The following DOCK8 variants were observed in gnomAD, a reference collection of about 807,000 sequenced individuals.
DOCK8 encodes dedicator of cytokinesis 8.
DOCK8 carries 141 observed loss-of-function variants against 245.6 expected under a neutral mutation model. The ratio of observed to expected loss-of-function variants is 0.57; its 90% CI spans 0.50 to 0.66. The LOEUF is 0.66. DOCK8 is among the 30% of genes least tolerant of loss of function. The pLI is 0.00. For synonymous variants in DOCK8, 1,168 were observed against 970.2 expected, an observed-to-expected ratio of 1.20 and a Z score of -3.79; for missense variants, 2,965 against 2,603.4, an observed-to-expected ratio of 1.14 and a Z score of -3.02.
At chr9:230,380 T>A (rs1165457467) in intron 1 of DOCK8, among the ~76,000 whole-genome samples, 1 of 152,166 alleles carries the variant, frequency 6.6e-6, no homozygotes, top group Non-Finnish European at 1.5e-5. Flanking sequence ...TGTGTCTTTA[T>A]AGCAGCATGA....
intron 2 of DOCK8, among the ~76,000 whole-genome samples, chr9:285,928 AC>A (rs1298869552): frequency 2.0e-5 from 3 of 152,158 alleles, no homozygotes; most frequent in Non-Finnish European, 2.9e-5. Context: ...AGCCACCGAA[AC>A]ACTCGGTGTT....
chr9:261,153 C>G (rs1396398808), intron 1 of DOCK8, among the ~76,000 whole-genome samples: 1 of 151,050 alleles, frequency 6.6e-6, no homozygotes, highest in East Asian at 1.9e-4. Flanking sequence ...ACCTGGCAGA[C>G]AGGAGTAGGA....
At position 409,424 on chromosome 9, in the gene DOCK8, G is replaced by A. The variant is rs150937777; in HGVS notation, c.3530+2355G>A. ...TAAGAACAAGAAAAACTTTTGAAAT[G>A]CAATTTACAATTATCTTACTTTAGC... On this transcript the variant is annotated intron_variant, in intron 28 of 47. Transcript: ENST00000432829. Among the ~76,000 whole-genome samples the A allele has an allele frequency of 4.2e-4, 64 of 152,158 alleles. 1 individual carries two copies. In the East Asian group the frequency reaches 9.1e-3, roughly 22 times the overall value.
chr9:324,287 C>A (rs1450823224), intron 7 of DOCK8, among the ~76,000 whole-genome samples: 1 of 152,188 alleles, frequency 6.6e-6, no homozygotes, highest in East Asian at 1.9e-4. Context: ...TCTTTTGAGA[C>A]AAAGCTATCC....
At chr9:289,436 C>T in intron 3 of DOCK8, 74 bp from the exon 4 acceptor site, 2 of 1,186,946 alleles carry the variant, frequency 1.7e-6, no homozygotes, top group Non-Finnish European at 2.5e-6. Context: ...TGTCATGTTC[C>T]TTGCTCATGA....
intron 31 of DOCK8, 135 bp downstream of exon 31, chr9:420,718 A>G (rs918535467): frequency 2.4e-6 from 3 of 1,261,018 alleles, no homozygotes; most frequent in East Asian, 2.3e-5. Context: ...TCCATAACCC[A>G]TTTGTAGGTA....
intron 2 of DOCK8, among the ~76,000 whole-genome samples, chr9:275,829 T>G (rs543114365): frequency 1.3e-5 from 2 of 151,526 alleles, no homozygotes; most frequent in East Asian, 3.9e-4. Context: ...CCTCAAGTGA[T>G]CCACCCACCT....
At chr9:410,006 A>T (rs964408166) in intron 28 of DOCK8, among the ~76,000 whole-genome samples, 15 of 152,220 alleles carry the variant, frequency 9.9e-5, no homozygotes, top group Non-Finnish European at 1.3e-4. Context: ...CAATAAAAGG[A>T]TTATAAATCA....
intron 2 of DOCK8, among the ~76,000 whole-genome samples, chr9:285,333 G>A (rs973810242): frequency 9.9e-5 from 15 of 152,178 alleles, no homozygotes; most frequent in African/African-American, 3.6e-4. Context: ...TCAAAGCGAT[G>A]AAAAACTGGT....
chr9:318,234 A>G (rs2050433114), intron 7 of DOCK8, among the ~76,000 whole-genome samples: 1 of 152,346 alleles, frequency 6.6e-6, no homozygotes. Flanking sequence ...AAAGTTGTAC[A>G]TATTTTACCT....
intron 1 of DOCK8, among the ~76,000 whole-genome samples, chr9:232,925 T>C (rs1031467182): frequency 1.9e-4 from 29 of 152,222 alleles, no homozygotes; most frequent in Non-Finnish European, 4.1e-4. Flanking sequence ...TAGTTATTTC[T>C]TGCCTTCTGC....
At chr9:220,086 T>C (rs1193888798) in intron 1 of DOCK8, among the ~76,000 whole-genome samples, 1 of 152,202 alleles carries the variant, frequency 6.6e-6, no homozygotes. Flanking sequence ...TGGGGGTGGC[T>C]GGCAGAGTGA....
intron 7 of DOCK8, among the ~76,000 whole-genome samples, chr9:318,610 T>A (rs1050291774): frequency 6.6e-6 from 1 of 152,122 alleles, no homozygotes; most frequent in African/African-American, 2.4e-5. Context: ...TACCAGAGGG[T>A]CTTCAGGGCC....
intron 14 of DOCK8, among the ~76,000 whole-genome samples, chr9:349,517 G>A (rs1218015861): frequency 6.6e-6 from 1 of 152,154 alleles, no homozygotes; most frequent in Non-Finnish European, 1.5e-5. Flanking sequence ...TTAGCAATAA[G>A]CAAATCTCAA....
Position 249,543 on chromosome 9 carries a change from G to T in DOCK8, c.54-22084G>T, listed in dbSNP as rs184396419. Among the ~76,000 whole-genome samples the T allele has an allele frequency of 1.6e-3, 245 of 152,220 alleles. 1 individual carries two copies. Among genetic ancestry groups the T allele is most frequent in the African/African-American group, 5.4e-3 (223 of 41,536 alleles). On this transcript the variant is annotated intron_variant, in intron 1 of 47. Coordinates refer to ENST00000432829, the MANE Select transcript of DOCK8 (RefSeq NM_203447.4). Reference sequence around the variant, plus strand: ...AAGAGTAATACAATTCTTACTCTTAGTTTATTAAGAGTAAAAACTATTACT... The same window carrying T: ...AAGAGTAATACAATTCTTACTCTTATTTTATTAAGAGTAAAAACTATTACT...
At chr9:345,723 C>T (rs1450316389) in intron 14 of DOCK8, among the ~76,000 whole-genome samples, 1 of 152,214 alleles carries the variant, frequency 6.6e-6, no homozygotes, top group African/African-American at 2.4e-5. Context: ...TGCCCTGCCC[C>T]TTCAGGTGTC....
At position 214,937 on chromosome 9, in the gene DOCK8, C is replaced by T; in HGVS notation, c.-40C>T. On this transcript the variant is annotated 5_prime_UTR_variant, in exon 1 of 48. Transcript: ENST00000432829. ...CGGCGCGCCAGGCCCCCGCTTTCCG[C>T]ACCCCGCGACCCTAGAAGCCACCGA... The T allele has an allele frequency of 6.2e-7, 1 of 1,604,544 alleles. No homozygotes were observed.
chr9:425,856 G>C (rs2056480548), intron 33 of DOCK8, among the ~76,000 whole-genome samples: 1 of 151,732 alleles, frequency 6.6e-6, no homozygotes, highest in Admixed American at 6.6e-5. Flanking sequence ...TGGGACCAGA[G>C]AGCCTATCCT....
chr9:317,380 G>A (rs1236791211), intron 7 of DOCK8, among the ~76,000 whole-genome samples: 1 of 152,126 alleles, frequency 6.6e-6, no homozygotes, highest in Non-Finnish European at 1.5e-5. Context: ...GGCAGGTAAG[G>A]TCATTGAGTG....
Sources: gnomAD v4.1 joint callset for allele counts (sites outside exome capture counted in the v4.1 genomes callset) on GRCh38, gnomAD v4.1.1 for gene constraint, MANE v1.5 for transcripts, NCBI Gene and HGNC (gene_info 2026-07-23, HGNC 2026-07-21) for gene names.